The following RAB30 variants were observed in gnomAD, a reference collection of about 807,000 sequenced individuals.
RAB30 encodes the protein RAB30, member RAS oncogene family.
A neutral mutation model predicts 25.1 loss-of-function variants in RAB30; 9 were observed. The ratio of observed to expected loss-of-function variants is 0.36; its 90% confidence interval spans 0.22 to 0.63. The LOEUF (loss-of-function observed/expected upper bound fraction) is 0.63, where lower values mean the gene tolerates loss of function less well. Ranked by LOEUF, RAB30 falls within the 20% of genes least tolerant of loss-of-function variation. The pLI is 0.69. For synonymous variants in RAB30, 77 were observed against 86.4 expected, an observed-to-expected ratio of 0.89 and a Z score of 0.60; for missense variants, 140 against 243.5, an observed-to-expected ratio of 0.58 and a Z score of 2.83.
chr11:83,030,346 A>C (rs1857825848), intron 1 of RAB30, among the ~76,000 whole-genome samples: 1 of 151,678 alleles, frequency 6.6e-6, no homozygotes, highest in African/African-American at 2.4e-5. Context: ...AAAAAAAAAA[A>C]AATTAGTTGG....
intron 1 of RAB30, among the ~76,000 whole-genome samples, chr11:83,040,007 A>G (rs1215597360): frequency 1.3e-5 from 2 of 152,218 alleles, no homozygotes; most frequent in East Asian, 3.8e-4. Context: ...GAGGAGAAGC[A>G]GCAAGACTGT....
intron 3 of RAB30, among the ~76,000 whole-genome samples, chr11:82,991,169 C>T (rs747127889): frequency 6.6e-6 from 1 of 152,098 alleles, no homozygotes; most frequent in Non-Finnish European, 1.5e-5. Context: ...CAAAAAGACA[C>T]TTTAACATCA....
At chr11:82,992,419 C>G in intron 3 of RAB30, 1 of 455,844 alleles carries the variant, frequency 2.2e-6, no homozygotes, top group Non-Finnish European at 4.4e-6. Flanking sequence ...GGAAGAGACA[C>G]TGAGAGAGCT....
In RAB30 at chr11:82,973,968, A is replaced by C. The variant is rs1165100840; in HGVS notation, c.*8197T>G. ...TTATGCTACAACATGGATGAGCTTT[A>C]AAAACATTATGCTTACTTAGAGAAG... On this transcript the variant is annotated 3_prime_UTR_variant, in exon 5 of 5. Transcript: ENST00000527633. 6.6e-6 allele frequency: 1 copy of C among 152,162 alleles called. No homozygotes were observed. Among genetic ancestry groups the C allele is most frequent in the African/African-American group, 2.4e-5 (1 of 41,444 alleles). 9.4% of individuals were successfully genotyped at this position (152,162 alleles called of 1,614,324 possible).
Position 82,997,331 on chromosome 11 carries a change from G to A in RAB30, c.-8-7C>T, listed in dbSNP as rs368718218. The A allele has an allele frequency of 7.0e-6, 11 of 1,563,492 alleles. No homozygotes were observed. The highest frequency in any genetic ancestry group is 6.7e-5 in the Admixed American group (4 of 59,848). ...TCCATACTCATTTACACAGCTGCAAGGCAAACACAGGCAAAAGTGAGAAAG... is the reference window on the plus strand; with the variant it reads ...TCCATACTCATTTACACAGCTGCAAAGCAAACACAGGCAAAAGTGAGAAAG... On this transcript the variant is annotated splice_polypyrimidine_tract_variant and splice_region_variant and intron_variant, in intron 1 of 4. Transcript: ENST00000527633.
At chr11:82,986,430 C>A (rs985477552) in intron 4 of RAB30, among the ~76,000 whole-genome samples, 1 of 152,196 alleles carries the variant, frequency 6.6e-6, no homozygotes, top group African/African-American at 2.4e-5. Flanking sequence ...CATTTACCTT[C>A]CTTAGATAAA....
intron 1 of RAB30, among the ~76,000 whole-genome samples, chr11:83,015,799 G>A (rs1010897330): frequency 2.0e-5 from 3 of 152,162 alleles, no homozygotes; most frequent in African/African-American, 7.2e-5. Flanking sequence ...AAAGAAAATG[G>A]TGATCAGTCT....
At chr11:82,997,959 A>G (rs1856993841) in intron 1 of RAB30, among the ~76,000 whole-genome samples, 1 of 152,024 alleles carries the variant, frequency 6.6e-6, no homozygotes, top group Admixed American at 6.5e-5. Flanking sequence ...GGTATGTGCC[A>G]TTTCTTCTGC....
In RAB30 at chr11:82,975,028, T is replaced by A. The variant is rs145270806; in HGVS notation, c.*7137A>T. Reference sequence around the variant, plus strand: ...ATTTATGTAGCTCCCTTATATACTATCAAAGGAGCTCCAACCATCTGGTAT... The same window carrying A: ...ATTTATGTAGCTCCCTTATATACTAACAAAGGAGCTCCAACCATCTGGTAT... On this transcript the variant is annotated 3_prime_UTR_variant, in exon 5 of 5. Coordinates refer to ENST00000527633, the MANE Select transcript of RAB30 (RefSeq NM_001286060.2). The A allele has an allele frequency of 8.4e-4, 127 of 150,924 alleles. No individual in the cohort carries two copies. The highest frequency in any genetic ancestry group is 2.9e-3 in the African/African-American group (119 of 41,254). The allele number at this position is 150,924 out of a possible 1,614,324, so 9.3% of individuals were successfully genotyped here.
intron 1 of RAB30, chr11:83,041,313 C>A (rs192332653): frequency 1.1e-5 from 2 of 181,018 alleles, no homozygotes; most frequent in Non-Finnish European, 1.2e-5. Flanking sequence ...TCACATGCTC[C>A]TGGTTCTATA....
chr11:83,008,993 C>CCAT (rs1857246826), intron 1 of RAB30, among the ~76,000 whole-genome samples: 1 of 152,128 alleles, frequency 6.6e-6, no homozygotes, highest in Admixed American at 6.5e-5. Context: ...ACGTTAGACT[C>CCAT]CATCACATAA....
chr11:83,062,660 C>T (rs1858608707), intron 1 of RAB30, among the ~76,000 whole-genome samples: 1 of 152,190 alleles, frequency 6.6e-6, no homozygotes, highest in Non-Finnish European at 1.5e-5. Context: ...CTTTTATACA[C>T]AACATCTCCT....
chr11:82,976,088 G>A lies in RAB30; in HGVS notation c.*6077C>T, dbSNP rs1856541367. The stretch of plus-strand genomic sequence containing the variant: ...CTTGCCTGAAGTTTGTAAAGAAATG[G>A]AGGGTGACAGTAGTAATGCCCAAAG... On this transcript the variant is annotated 3_prime_UTR_variant, in exon 5 of 5. Transcript: ENST00000527633. 1 of 152,168 alleles carries A rather than the reference G, an allele frequency of 6.6e-6. No individual in the cohort carries two copies. The highest frequency in any genetic ancestry group is 2.4e-5 in the African/African-American group (1 of 41,452). The allele number at this position is 152,168 out of a possible 1,614,324, so 9.4% of individuals were successfully genotyped here. A position where few individuals can be genotyped will look rare whatever the true frequency, so the allele number is the denominator to read the frequency against.
chr11:82,984,143 G>A (rs957073519), intron 4 of RAB30, among the ~76,000 whole-genome samples: 7 of 152,104 alleles, frequency 4.6e-5, no homozygotes, highest in African/African-American at 1.7e-4. Context: ...TGTATTATCT[G>A]GCAACACCGC....
intron 1 of RAB30, among the ~76,000 whole-genome samples, chr11:83,029,300 C>CA (rs1857796904): frequency 6.6e-6 from 1 of 152,020 alleles, no homozygotes; most frequent in Admixed American, 6.6e-5. Context: ...GCAGACCCCC[C>CA]AACACCCATT....
chr11:83,014,634 A>AAAGG (rs1170716552), intron 1 of RAB30, among the ~76,000 whole-genome samples: 47 of 112,616 alleles, frequency 4.2e-4, no homozygotes, highest in Non-Finnish European at 7.1e-4. Context: ...AGAAGTAAGA[A>AAAGG]AAAGAAAGAA....
chr11:83,051,420 C>T (rs1858354758), intron 1 of RAB30, among the ~76,000 whole-genome samples: 2 of 152,336 alleles, frequency 1.3e-5, no homozygotes, highest in Middle Eastern at 3.4e-3. Flanking sequence ...CAGTATCCTT[C>T]CCACACATTC....
chr11:83,066,763 G>A (rs891790957), intron 1 of RAB30, among the ~76,000 whole-genome samples: 7 of 152,146 alleles, frequency 4.6e-5, no homozygotes, highest in Non-Finnish European at 2.9e-5. Flanking sequence ...TGTTGGCCAC[G>A]CTGGCCTTGA....
chr11:82,988,899 C>G (rs985876837), intron 3 of RAB30, among the ~76,000 whole-genome samples: 3 of 139,442 alleles, frequency 2.2e-5, no homozygotes, highest in Middle Eastern at 3.5e-3. Flanking sequence ...CCCACCCCCC[C>G]ACCCCACACA....
Sources: gnomAD v4.1 joint callset for allele counts (sites outside exome capture counted in the v4.1 genomes callset) on GRCh38, gnomAD v4.1.1 for gene constraint, MANE v1.5 for transcripts, NCBI Gene and HGNC (gene_info 2026-07-23, HGNC 2026-07-21) for gene names.